LITAF: variants seen among roughly 807,000 people sequenced by gnomAD.
LITAF encodes lipopolysaccharide induced TNF factor.
In LITAF, 9 loss-of-function variants were observed where a neutral mutation model predicts 14.5. The observed-to-expected ratio is 0.62, with a 90% confidence interval of 0.37 to 1.08. The LOEUF (loss-of-function observed/expected upper bound fraction) is 1.08. Among genes scored for constraint, LITAF ranks in the 50% least tolerant of loss-of-function variants. LITAF has a pLI of 0.01. For missense variants in LITAF, 206 were observed against 213.4 expected (o/e 0.97, Z 0.22); for synonymous variants, 98 against 88.2 (o/e 1.11, Z -0.62).
At chr16:11,574,217 T>G (rs1451118810) in intron 1 of LITAF, among the ~76,000 whole-genome samples, 1 of 152,012 alleles carries the variant, frequency 6.6e-6, no homozygotes, top group Admixed American at 6.6e-5. Context: ...AATTTTTTTA[T>G]TTTTTGTAGA....
intron 3 of LITAF, among the ~76,000 whole-genome samples, chr16:11,619,010 C>CAAAA (rs1056871069): frequency 1.2e-3 from 185 of 149,014 alleles, no homozygotes; most frequent in Non-Finnish European, 1.8e-3. Context: ...AACAAACAAA[C>CAAAA]AAAAAAAACC....
intron 1 of LITAF, among the ~76,000 whole-genome samples, chr16:11,595,278 C>A (rs2064876179): frequency 6.6e-6 from 1 of 152,210 alleles, no homozygotes; most frequent in African/African-American, 2.4e-5. Flanking sequence ...AGGAGGCTTG[C>A]CTGAGGTTAC....
intron 3 of LITAF, among the ~76,000 whole-genome samples, chr16:11,624,808 G>C (rs1198202942): frequency 6.6e-6 from 1 of 152,148 alleles, no homozygotes; most frequent in African/African-American, 2.4e-5. Context: ...CCTCAAATCT[G>C]GGTGGCCTCG....
intron 1 of LITAF, among the ~76,000 whole-genome samples, chr16:11,582,311 T>A (rs1597357524): frequency 8.6e-6 from 1 of 116,528 alleles, no homozygotes; most frequent in Non-Finnish European, 1.7e-5. Context: ...TCTATTTCAC[T>A]CACAACGGAA....
Position 11,553,512 on chromosome 16 carries a change from C to T in LITAF, c.377+21G>A, listed in dbSNP as rs781482220. On this transcript the variant is annotated intron_variant, in intron 3 of 3. Coordinates refer to ENST00000622633, the MANE Select transcript of LITAF (RefSeq NM_001136472.2). This position sits in a 1 kb window ranked among gnomAD's most constrained non-coding sequence, Gnocchi z 7.7. ...GAGAGAAGGGCAGGATGGCTTGGGG[C>T]CAAGTGGGAGGCAGACTCACCCCAG... 5.0e-6 allele frequency: 8 copies of T among 1,613,310 alleles called. No individual in the cohort carries two copies. Among genetic ancestry groups the T allele is most frequent in the Admixed American group, 1.7e-5 (1 of 59,972 alleles).
intron 1 of LITAF, among the ~76,000 whole-genome samples, chr16:11,568,232 G>C (rs1291477188): frequency 6.6e-6 from 1 of 150,676 alleles, no homozygotes; most frequent in Non-Finnish European, 1.5e-5. Flanking sequence ...CGGTTGCAGT[G>C]AGCCATGTTT....
intron 1 of LITAF, among the ~76,000 whole-genome samples, chr16:11,572,150 G>T (rs988208756): frequency 3.3e-5 from 5 of 151,996 alleles, no homozygotes; most frequent in African/African-American, 1.2e-4. Flanking sequence ...TCCCCCTCCT[G>T]CCTTAGCCTG....
intron 3 of LITAF, among the ~76,000 whole-genome samples, chr16:11,624,256 T>C (rs1273350289): frequency 6.6e-6 from 1 of 152,210 alleles, no homozygotes; most frequent in East Asian, 1.9e-4. Flanking sequence ...GTTCCAGCCT[T>C]ATCCCCAACC....
rs1486726014 is a variant in LITAF, at chr16:11,586,724, C to G, written c.-6+162G>C. ...CGCCCCGGCCGGGCCCCCACGCCCTCCGCCGCGCCTCGATGCCCGCGACCC... is the reference window on the plus strand; with the variant it reads ...CGCCCCGGCCGGGCCCCCACGCCCTGCGCCGCGCCTCGATGCCCGCGACCC... On this transcript the variant is annotated intron_variant, in intron 1 of 3. Transcript: ENST00000622633. This position sits in a 1 kb window ranked among gnomAD's most constrained non-coding sequence, Gnocchi z 6.5. 6.6e-6 allele frequency among the ~76,000 whole-genome samples: 1 copy of G among 151,628 alleles called. No homozygotes were observed. Among genetic ancestry groups the G allele is most frequent in the Non-Finnish European group, 1.5e-5 (1 of 67,844 alleles).
At chr16:11,629,115 C>T (rs930702230) in intron 3 of LITAF, 1 of 152,352 alleles carries the variant, frequency 6.6e-6, no homozygotes, top group Non-Finnish European at 1.5e-5. Context: ...AGGCTTGCCC[C>T]CTCTTACCAA....
At chr16:11,552,711 G>A (rs72779160) in intron 3 of LITAF, among the ~76,000 whole-genome samples, 1 of 152,092 alleles carries the variant, frequency 6.6e-6, no homozygotes, top group Non-Finnish European at 1.5e-5. Flanking sequence ...CCTCCCAGGG[G>A]GCATTTTTGT....
At chr16:11,600,477 C>T (rs1429655124), upstream of LITAF, among the ~76,000 whole-genome samples, 1 of 152,226 alleles carries the variant, frequency 6.6e-6, no homozygotes, top group East Asian at 1.9e-4. The surrounding 1 kb of genome is among the most constrained non-coding windows in gnomAD (Gnocchi z 4.1). Flanking sequence ...ACCCCACCTC[C>T]AAGTGGGAGA....
chr16:11,593,354 CAAAAAAAA>C (rs57678584), intron 1 of LITAF, among the ~76,000 whole-genome samples: 10 of 54,754 alleles, frequency 1.8e-4, no homozygotes, highest in Non-Finnish European at 2.3e-4. Flanking sequence ...AACTCTGTCT[CAAAAAAAA>C]AAAAAAAAAA....
intron 1 of LITAF, among the ~76,000 whole-genome samples, chr16:11,572,244 G>A (rs889284810): frequency 3.3e-5 from 5 of 151,980 alleles, no homozygotes; most frequent in Admixed American, 3.3e-4. Context: ...CTGCTCCCCA[G>A]GTACGCAGGG....
At chr16:11,601,995 G>A (rs1306355153), upstream of LITAF, among the ~76,000 whole-genome samples, 3 of 152,148 alleles carry the variant, frequency 2.0e-5, no homozygotes, top group Non-Finnish European at 2.9e-5. Flanking sequence ...TAGCCCCAGC[G>A]TGGAAACAAT....
At position 11,598,091 on chromosome 16, in the gene LITAF, G is replaced by C. The variant is rs571862637; in HGVS notation, c.-6+297C>G. On this transcript the variant is annotated intron_variant, in intron 1 of 3. Transcript: ENST00000571627. ...CGGGTAATTTTTTACTTTTTGTAGAGATGGGTTTCCCAGGCTAATCTTAAA... is the reference window on the plus strand; with the variant it reads ...CGGGTAATTTTTTACTTTTTGTAGACATGGGTTTCCCAGGCTAATCTTAAA... 3.9e-5 allele frequency among the ~76,000 whole-genome samples: 6 copies of C among 152,162 alleles called. No individual in the cohort carries two copies. In the South Asian group the frequency reaches 1.2e-3, roughly 32 times the overall value.
In LITAF at chr16:11,554,737, G is replaced by A. The variant is rs534302331; in HGVS notation, c.221-1048C>T. 4.7e-3 allele frequency among the ~76,000 whole-genome samples: 656 copies of A among 140,852 alleles called. 1 individual carries two copies. Among genetic ancestry groups the A allele is most frequent in the Non-Finnish European group, 7.5e-3 (498 of 66,308 alleles). The allele number at this position is 140,852 out of a possible 152,430, so 92.4% of individuals were successfully genotyped here. ...TGGGAGGCAGAGGTTGCAGTGAGCC[G>A]AGATTATGCCACTGCACTCCAGCCT... On this transcript the variant is annotated intron_variant, in intron 2 of 3. Coordinates refer to ENST00000622633, the MANE Select transcript of LITAF (RefSeq NM_001136472.2).
chr16:11,581,401 C>CT (rs1441174787), intron 1 of LITAF, among the ~76,000 whole-genome samples: 2 of 152,174 alleles, frequency 1.3e-5, no homozygotes, highest in Non-Finnish European at 2.9e-5. Context: ...AATGGCAATA[C>CT]TTTGAGAGGC....
upstream of LITAF, among the ~76,000 whole-genome samples, chr16:11,637,902 A>AC (rs1567270789): frequency 2.2e-4 from 14 of 62,454 alleles, 4 homozygotes; most frequent in African/African-American, 1.8e-3. Context: ...AAAAAACTAT[A>AC]TATATATATA....
Sources: allele counts gnomAD v4.1 joint callset (sites outside exome capture counted in the v4.1 genomes callset), GRCh38; gene constraint gnomAD v4.1.1; non-coding constraint Gnocchi (gnomAD v3.1); transcripts MANE v1.5; gene names NCBI Gene and HGNC (gene_info 2026-07-23, HGNC 2026-07-21).